TSPEAR: variants seen among roughly 807,000 people sequenced by gnomAD.
TSPEAR encodes the protein thrombospondin type laminin G domain and EAR repeats, also known as thrombospondin-type laminin G domain and EAR repeat-containing protein.
TSPEAR carries 69 observed loss-of-function variants against 71.6 expected under a neutral mutation model. The observed-to-expected ratio is 0.96, with a 90% CI of 0.79 to 1.18. TSPEAR has a LOEUF of 1.18. TSPEAR is among the 50% of genes most tolerant of loss of function. The pLI, the probability that TSPEAR is intolerant of heterozygous loss-of-function variation, is 0.00. For missense variants in TSPEAR, 971 were observed against 894.9 expected (o/e 1.09, Z -1.09); for synonymous variants, 402 against 387.2 (o/e 1.04, Z -0.45).
At chr21:44,594,393 C>A (rs945039078) in intron 1 of TSPEAR, among the ~76,000 whole-genome samples, 2 of 152,116 alleles carry the variant, frequency 1.3e-5, no homozygotes, top group African/African-American at 2.4e-5. Context: ...AGGAACTGGG[C>A]GAGGGACCTG....
chr21:44,647,389 T>C (rs782432857), intron 1 of TSPEAR: 1 of 1,600,272 alleles, frequency 6.2e-7, no homozygotes, highest in South Asian at 1.1e-5. Flanking sequence ...GACTGTGTCT[T>C]TGCTGCCAAG....
At position 44,649,577 on chromosome 21, in the gene TSPEAR, T is replaced by C. The variant is rs141074039; in HGVS notation, c.82+61856A>G. 1.4e-4 allele frequency among the ~76,000 whole-genome samples: 22 copies of C among 152,300 alleles called. No individual in the cohort carries two copies. In the East Asian group the frequency reaches 3.9e-3, roughly 27 times the overall value. ...CCTTCTCCCGTGTGGCCCACACGCA[T>C]GCCACAGGGACCAAGCTGGCTCTGT... On this transcript the variant is annotated intron_variant, in intron 1 of 11. Coordinates refer to ENST00000323084, the MANE Select transcript of TSPEAR (RefSeq NM_144991.3).
intron 1 of TSPEAR, among the ~76,000 whole-genome samples, chr21:44,631,528 G>A (rs959897965): frequency 9.9e-5 from 15 of 151,966 alleles, no homozygotes; most frequent in Admixed American, 2.6e-4. Context: ...AACGGCCTGG[G>A]GCAACATAGT....
intron 1 of TSPEAR, among the ~76,000 whole-genome samples, chr21:44,698,799 A>G (rs1987510091): frequency 6.6e-6 from 1 of 151,796 alleles, no homozygotes; most frequent in African/African-American, 2.4e-5. Context: ...TGCCCCTACA[A>G]CTCCCGTGTC....
At chr21:44,558,768 A>T in intron 2 of TSPEAR, 1 of 1,559,026 alleles carries the variant, frequency 6.4e-7, no homozygotes, top group Non-Finnish European at 8.7e-7. Context: ...TGAGTGTGGG[A>T]GTGAGTGAGG....
At chr21:44,551,468 G>A (rs1340587137) in intron 2 of TSPEAR, 1 of 1,600,798 alleles carries the variant, frequency 6.2e-7, no homozygotes, top group Non-Finnish European at 8.5e-7. Context: ...TGCTGGAGTG[G>A]GGAGGAGGTG....
intron 1 of TSPEAR, chr21:44,591,245 G>T (rs782179492): frequency 2.1e-6 from 3 of 1,444,346 alleles, no homozygotes; most frequent in Non-Finnish European, 1.8e-6. Flanking sequence ...ATCTGGGAAG[G>T]ACAGGGGGAG....
Position 44,656,076 on chromosome 21 carries a change from A to G in TSPEAR, c.82+55357T>C, listed in dbSNP as rs143938175. ...GCCTAGGGACAAGCCGGGCGAGGCC[A>G]CAAGTTCACAGGCAACTCCTTTCAC... On this transcript the variant is annotated intron_variant, in intron 1 of 11. Coordinates refer to ENST00000323084, the MANE Select transcript of TSPEAR (RefSeq NM_144991.3). 2.7e-3 allele frequency among the ~76,000 whole-genome samples: 411 copies of G among 152,338 alleles called. 2 individuals are homozygous for G. The highest frequency in any genetic ancestry group is 9.5e-3 in the African/African-American group (395 of 41,584).
chr21:44,644,187 G>A (rs1259813407), intron 1 of TSPEAR, among the ~76,000 whole-genome samples: 1 of 152,138 alleles, frequency 6.6e-6, no homozygotes, highest in Non-Finnish European at 1.5e-5. Flanking sequence ...TGCCCTGCTG[G>A]CCCCCAGTGG....
rs781865535 is a variant in TSPEAR at position 44,531,061 on chromosome 21, TCTC to T, written c.612_614del (p.Arg205del). ...TACTCGCCATGAACAGGCCTTTGGCTCTCCTCCGGCTGCCGACGAAGAATCGAG... is the reference window on the plus strand; with the variant it reads ...TACTCGCCATGAACAGGCCTTTGGCTCTCCGGCTGCCGACGAAGAATCGAG... On this transcript the variant is annotated inframe_deletion, in exon 4 of 12. Coordinates refer to ENST00000323084, the MANE Select transcript of TSPEAR (RefSeq NM_144991.3). The T allele has an allele frequency of 1.9e-6, 3 of 1,613,518 alleles. No individual in the cohort carries two copies. The highest frequency in any genetic ancestry group is 3.3e-5 in the Admixed American group (2 of 60,014).
chr21:44,564,793 A>G (rs1027603400), intron 2 of TSPEAR, among the ~76,000 whole-genome samples: 2 of 152,210 alleles, frequency 1.3e-5, no homozygotes, highest in Admixed American at 1.3e-4. Flanking sequence ...TCTAGCAGAC[A>G]CCTTTAGACT....
chr21:44,711,564 G>A lies in TSPEAR; in HGVS notation c.-50C>T, dbSNP rs782765938. 4 of 1,565,222 alleles carry A rather than the reference G, an allele frequency of 2.6e-6. No homozygotes were observed. The highest frequency in any genetic ancestry group is 3.5e-6 in the Non-Finnish European group (4 of 1,150,810). ...TCCAGGGCTCCGCTCAGCCTGCAGG[G>A]AAGTGGCTGCTCCTCAGACGTCTGC... is the stretch of plus-strand genomic sequence containing the variant. On this transcript the variant is annotated 5_prime_UTR_variant, in exon 1 of 12. Transcript: ENST00000323084. This position sits in a 1 kb window ranked among gnomAD's most constrained non-coding sequence, Gnocchi z 4.5.
chr21:44,650,191 G>A (rs1016556477), intron 1 of TSPEAR, among the ~76,000 whole-genome samples: 1 of 150,272 alleles, frequency 6.7e-6, no homozygotes, highest in African/African-American at 2.5e-5. Flanking sequence ...ACTCCAGCCT[G>A]GGTGACCAGG....
At position 44,522,026 on chromosome 21, in the gene TSPEAR, C is replaced by A; in HGVS notation, c.1423G>T (p.Gly475Cys). The A allele has an allele frequency of 1.2e-6, 2 of 1,614,114 alleles. No homozygotes were observed. Among genetic ancestry groups the A allele is most frequent in the Non-Finnish European group, 1.7e-6 (2 of 1,180,012 alleles). The change falls in exon 9 of 12, where the codon GGC (glycine) becomes TGC (cysteine). Residue 475 changes from glycine to cysteine, a missense_variant. Transcript: ENST00000323084. ...FEANQTIATS[G>C]AYDWEFFSVG... The stretch of plus-strand genomic sequence containing the variant: ...CTGAAGAACTCCCAGTCGTAGGCGC[C>A]GGAGGTGGCGATGGTCTGGTTGGCC...
intron 1 of TSPEAR, among the ~76,000 whole-genome samples, chr21:44,634,192 T>C (rs1983412111): frequency 1.3e-5 from 2 of 152,212 alleles, no homozygotes; most frequent in African/African-American, 2.4e-5. Context: ...GAGGCTGCAA[T>C]GAGTTATGAT....
intron 1 of TSPEAR, chr21:44,677,648 C>G: frequency 2.4e-6 from 3 of 1,245,512 alleles, no homozygotes; most frequent in Non-Finnish European, 3.5e-6. Context: ...CCCCAGGGAC[C>G]AACACTGTAT....
chr21:44,702,838 C>T (rs903095589), intron 1 of TSPEAR: 9 of 983,978 alleles, frequency 9.1e-6, no homozygotes, highest in Admixed American at 2.0e-5. Context: ...GCTCAGGTTC[C>T]CCCCAACCTC....
chr21:44,601,779 C>T (rs782355252), intron 1 of TSPEAR: 1 of 1,575,542 alleles, frequency 6.3e-7, no homozygotes, highest in Admixed American at 1.7e-5. Context: ...TCACTGCCAC[C>T]TGCACCCCTG....
intron 1 of TSPEAR, among the ~76,000 whole-genome samples, chr21:44,655,794 G>T (rs1985111171): frequency 1.3e-5 from 2 of 152,140 alleles, no homozygotes; most frequent in Admixed American, 1.3e-4. Context: ...TGGGGGATGA[G>T]CCATCTCTCA....
Sources: gnomAD v4.1 joint callset for allele counts (sites outside exome capture counted in the v4.1 genomes callset) on GRCh38, gnomAD v4.1.1 for gene constraint, Gnocchi (gnomAD v3.1) non-coding constraint, MANE v1.5 for transcripts, NCBI Gene and HGNC (gene_info 2026-07-23, HGNC 2026-07-21) for gene names.